The following GRM8 variants were observed in gnomAD, a reference collection of about 807,000 sequenced individuals.
The protein encoded by GRM8 is glutamate metabotropic receptor 8, also known as metabotropic glutamate receptor 8.
A neutral mutation model predicts 87.2 loss-of-function variants in GRM8; 47 were observed. The ratio of observed to expected loss-of-function variants is 0.54; its 90% confidence interval spans 0.43 to 0.69. The LOEUF is 0.69. Ranked by LOEUF, GRM8 falls within the 30% of genes least tolerant of loss-of-function variation. GRM8 has a pLI of 0.00. For missense variants in GRM8, 1,019 were observed against 1,139.2 expected (o/e 0.89, Z 1.52); for synonymous variants, 396 against 404.5 (o/e 0.98, Z 0.25).
rs144107072 is a variant in GRM8 at position 126,856,407 on chromosome 7, T to C, written c.1156+46135A>G. On this transcript the variant is annotated intron_variant, in intron 6 of 10. Coordinates refer to ENST00000339582, the MANE Select transcript of GRM8 (RefSeq NM_000845.3). Reference sequence around the variant, plus strand: ...GATCTGAGTAGATGCAGTTGAAATATGGACATACAGTTTGAGTGATTAGAA... The same window carrying C: ...GATCTGAGTAGATGCAGTTGAAATACGGACATACAGTTTGAGTGATTAGAA... 6.2e-3 allele frequency among the ~76,000 whole-genome samples: 950 copies of C among 152,294 alleles called. 11 individuals are homozygous for C. Among genetic ancestry groups the C allele is most frequent in the African/African-American group, 0.021 (882 of 41,564 alleles).
chr7:126,514,059 T>C (rs1811813040), intron 9 of GRM8, among the ~76,000 whole-genome samples: 1 of 152,140 alleles, frequency 6.6e-6, no homozygotes, highest in South Asian at 2.1e-4. Flanking sequence ...AATGTCCTGC[T>C]TACCTATTAT....
At chr7:126,463,427 G>T (rs1584696527) in intron 9 of GRM8, among the ~76,000 whole-genome samples, 1 of 151,590 alleles carries the variant, frequency 6.6e-6, no homozygotes. Flanking sequence ...GGCTATGGCA[G>T]AAAAATGAAA....
At chr7:127,181,826 G>A (rs938988423) in intron 2 of GRM8, among the ~76,000 whole-genome samples, 5 of 151,890 alleles carry the variant, frequency 3.3e-5, no homozygotes, top group South Asian at 2.1e-4. Context: ...CATCTCTCAC[G>A]TTATACAAAA....
At position 127,188,161 on chromosome 7, in the gene GRM8, T is replaced by A. The variant is rs147515521; in HGVS notation, c.510+54534A>T. ...GAGTATTTCAGGAGGGCTCATTGTA[T>A]CCTCACAATAAACTTATGACAGAAG... On this transcript the variant is annotated intron_variant, in intron 2 of 10. Transcript: ENST00000339582. Among the ~76,000 whole-genome samples the A allele has an allele frequency of 5.3e-4, 80 of 152,344 alleles. No individual in the cohort carries two copies. In the East Asian group the frequency reaches 0.015, roughly 29 times the overall value.
intron 6 of GRM8, among the ~76,000 whole-genome samples, chr7:126,780,283 A>T (rs1487633072): frequency 6.6e-6 from 1 of 152,146 alleles, no homozygotes; most frequent in Non-Finnish European, 1.5e-5. Flanking sequence ...TATGCACCTT[A>T]TCTGTAAAAT....
chr7:126,893,036 T>C (rs542804116), intron 6 of GRM8, among the ~76,000 whole-genome samples: 1 of 152,248 alleles, frequency 6.6e-6, no homozygotes, highest in African/African-American at 2.4e-5. Flanking sequence ...ATTGTATAAA[T>C]GAAACCTTTT....
intron 9 of GRM8, among the ~76,000 whole-genome samples, chr7:126,504,564 G>A (rs1208511004): frequency 6.6e-6 from 1 of 151,932 alleles, no homozygotes; most frequent in Non-Finnish European, 1.5e-5. Flanking sequence ...CCTATTACCT[G>A]AGTGGTGAAA....
At chr7:126,907,238 G>T (rs572771734) in intron 3 of GRM8, among the ~76,000 whole-genome samples, 1 of 133,042 alleles carries the variant, frequency 7.5e-6, no homozygotes, top group East Asian at 2.5e-4. Flanking sequence ...AGGAGGAAGA[G>T]ATGGAGGAGG....
intron 6 of GRM8, among the ~76,000 whole-genome samples, chr7:126,785,940 G>A (rs1418353041): frequency 5.3e-5 from 8 of 151,968 alleles, no homozygotes; most frequent in Non-Finnish European, 1.0e-4. Context: ...TGATCTCCTT[G>A]TGTCTAAACC....
chr7:126,738,704 G>A (rs2237766), intron 7 of GRM8, among the ~76,000 whole-genome samples: 1 of 137,690 alleles, frequency 7.3e-6, no homozygotes, highest in African/African-American at 2.7e-5. Context: ...GGGGGTGAGT[G>A]GGGGGTTGGG....
At chr7:126,987,754 C>T (rs557985059) in intron 3 of GRM8, among the ~76,000 whole-genome samples, 245 of 152,162 alleles carry the variant, frequency 1.6e-3, no homozygotes, top group Non-Finnish European at 2.2e-3. Flanking sequence ...TGAGCCACGG[C>T]GCCCGGCCTT....
intron 3 of GRM8, among the ~76,000 whole-genome samples, chr7:126,993,302 G>A (rs1812856246): frequency 1.3e-5 from 2 of 152,102 alleles, no homozygotes; most frequent in South Asian, 4.1e-4. Context: ...ACAGGTAAAT[G>A]GATAAACAAA....
chr7:126,862,210 A>G (rs1284145815), intron 6 of GRM8, among the ~76,000 whole-genome samples: 1 of 151,998 alleles, frequency 6.6e-6, no homozygotes, highest in African/African-American at 2.4e-5. Context: ...GTCAACAATA[A>G]TCTATCCTCT....
chr7:126,650,917 C>A (rs1803775887), intron 7 of GRM8, among the ~76,000 whole-genome samples: 1 of 152,050 alleles, frequency 6.6e-6, no homozygotes, highest in Non-Finnish European at 1.5e-5. Context: ...CCAAGGCTGA[C>A]CTAGCTACAG....
chr7:126,760,494 C>G (rs1389921336), intron 7 of GRM8, among the ~76,000 whole-genome samples: 1 of 152,132 alleles, frequency 6.6e-6, no homozygotes, highest in Non-Finnish European at 1.5e-5. Flanking sequence ...AATTACAGTG[C>G]TAAATTTCAT....
chr7:126,952,696 C>T lies in GRM8; in HGVS notation c.728-48013G>A, dbSNP rs138166221. ...ATTTCTGTGGAATTCTTGCCAAAAA[C>T]ACATAACCTCAAACCAAGCATGAGA... On this transcript the variant is annotated intron_variant, in intron 3 of 10. Coordinates refer to ENST00000339582, the MANE Select transcript of GRM8 (RefSeq NM_000845.3). Among the ~76,000 whole-genome samples, 517 of 152,118 alleles carry T rather than the reference C, an allele frequency of 3.4e-3. 1 individual carries two copies. The highest frequency in any genetic ancestry group is 0.012 in the African/African-American group (504 of 41,522).
At chr7:126,497,447 G>T (rs1443923823) in intron 9 of GRM8, among the ~76,000 whole-genome samples, 1 of 151,852 alleles carries the variant, frequency 6.6e-6, no homozygotes, top group Non-Finnish European at 1.5e-5. Context: ...AGCTGCAACT[G>T]CCTGAAGTTA....
chr7:126,486,789 C>A (rs10487450), intron 9 of GRM8, among the ~76,000 whole-genome samples: 6,292 of 152,092 alleles, frequency 0.041, 401 homozygotes, highest in African/African-American at 0.14. Flanking sequence ...ATGAAAATTA[C>A]AACTCAATGC....
At chr7:126,924,999 G>T (rs1043714553) in intron 3 of GRM8, among the ~76,000 whole-genome samples, 1 of 152,128 alleles carries the variant, frequency 6.6e-6, no homozygotes, top group Admixed American at 6.5e-5. Flanking sequence ...AGAAAGAAAA[G>T]ATATAGAAAT....
Sources: gnomAD v4.1 joint callset for allele counts (sites outside exome capture counted in the v4.1 genomes callset) on GRCh38, gnomAD v4.1.1 for gene constraint, MANE v1.5 for transcripts, NCBI Gene and HGNC (gene_info 2026-07-23, HGNC 2026-07-21) for gene names.